Variants in ZNF525 observed in about 807,000 individuals in gnomAD.
The protein encoded by ZNF525 is zinc finger protein 525.
In ZNF525, 33 loss-of-function variants were observed where a neutral mutation model predicts 37.6. The observed-to-expected ratio is 0.88, with a 90% CI of 0.67 to 1.17. The LOEUF (loss-of-function observed/expected upper bound fraction) is 1.17. Among genes scored for constraint, ZNF525 ranks in the 50% most tolerant of loss-of-function variants. The pLI is 0.00. For missense variants in ZNF525, 449 were observed against 543.1 expected (o/e 0.83, Z 1.72); for synonymous variants, 170 against 182.3 (o/e 0.93, Z 0.54).
intron 1 of ZNF525, 123 bp downstream of exon 1, chr19:53,365,882 T>C (rs1039166859): frequency 6.6e-6 from 1 of 152,578 alleles, no homozygotes; most frequent in Non-Finnish European, 1.5e-5. Context: ...CCAGAGCAAA[T>C]TGAGACGTCC....
At chr19:53,373,195 C>T (rs1407797720) in intron 2 of ZNF525, among the ~76,000 whole-genome samples, 3 of 152,160 alleles carry the variant, frequency 2.0e-5, no homozygotes, top group Non-Finnish European at 4.4e-5. Flanking sequence ...CAGGTTCAAG[C>T]GATTCTCCTG....
At position 53,384,062 on chromosome 19, in the gene ZNF525, T is replaced by A. The variant is rs2085587942; in HGVS notation, c.*2043T>A. The A allele has an allele frequency of 3.8e-6, 2 of 521,240 alleles. No homozygotes were observed. Among genetic ancestry groups the A allele is most frequent in the African/African-American group, 3.9e-5 (2 of 51,500 alleles). 32.3% of individuals were successfully genotyped at this position (521,240 alleles called of 1,614,324 possible). On this transcript the variant is annotated 3_prime_UTR_variant, in exon 4 of 4. Coordinates refer to ENST00000474037, the MANE Select transcript of ZNF525 (RefSeq NM_001348156.2). ...TCAGAAAATTCATTTTTCAGGTAAT[T>A]GTTCCCAATGCAATGAATATAGCAA...
intron 3 of ZNF525, among the ~76,000 whole-genome samples, chr19:53,376,797 T>A (rs1409427244): frequency 1.3e-5 from 2 of 152,010 alleles, no homozygotes; most frequent in Non-Finnish European, 2.9e-5. Context: ...GTGGTGAAAC[T>A]CCGTCTCTAC....
rs116562797 is a variant in ZNF525, at chr19:53,372,879, A to G, written c.15+583A>G. ...TATTTTAAGAATATGAAATCAACCT[A>G]AATAATAGCAGGAGATTCATTAATC... On this transcript the variant is annotated intron_variant, in intron 2 of 3. Transcript: ENST00000474037. 9.3e-3 allele frequency among the ~76,000 whole-genome samples: 1,414 copies of G among 152,258 alleles called. 21 individuals are homozygous for G. Among genetic ancestry groups the G allele is most frequent in the African/African-American group, 0.032 (1,333 of 41,530 alleles).
intron 3 of ZNF525, among the ~76,000 whole-genome samples, chr19:53,378,143 T>C (rs949363908): frequency 6.6e-6 from 1 of 152,072 alleles, no homozygotes; most frequent in Non-Finnish European, 1.5e-5. Context: ...GCCAACATGG[T>C]GAAACCTCGA....
intron 1 of ZNF525, among the ~76,000 whole-genome samples, chr19:53,369,239 G>A (rs1448067980): frequency 4.0e-5 from 6 of 151,006 alleles, no homozygotes; most frequent in Admixed American, 2.0e-4. Flanking sequence ...GATTGTCTAT[G>A]TACAAGTTCT....
chr19:53,368,283 G>A (rs1411584554), intron 1 of ZNF525, among the ~76,000 whole-genome samples: 1 of 152,142 alleles, frequency 6.6e-6, no homozygotes, highest in Non-Finnish European at 1.5e-5. Flanking sequence ...ACGGGAGAAT[G>A]AGTTTGGATG....
intron 1 of ZNF525, among the ~76,000 whole-genome samples, chr19:53,371,041 C>T (rs1328082128): frequency 1.3e-5 from 2 of 152,180 alleles, no homozygotes; most frequent in East Asian, 3.9e-4. Flanking sequence ...TAACCTATGT[C>T]CCTAAATGAT....
At chr19:53,367,945 C>G (rs535624606) in intron 1 of ZNF525, among the ~76,000 whole-genome samples, 1 of 152,194 alleles carries the variant, frequency 6.6e-6, no homozygotes, top group South Asian at 2.1e-4. Flanking sequence ...TATCTCGTGC[C>G]CAGGTAGCTG....
In ZNF525 at chr19:53,367,803, T is replaced by A. The variant is rs537950959; in HGVS notation, c.-68+2044T>A. Among the ~76,000 whole-genome samples, 56 of 152,134 alleles carry A rather than the reference T, an allele frequency of 3.7e-4. 1 individual carries two copies. Among genetic ancestry groups the A allele is most frequent in the African/African-American group, 1.3e-3 (53 of 41,568 alleles). On this transcript the variant is annotated intron_variant, in intron 1 of 3. Coordinates refer to ENST00000474037, the MANE Select transcript of ZNF525 (RefSeq NM_001348156.2). ...AGGCTAGGAGGTAGTCTAAAGCTAA[T>A]CTATTTTGGTAGATGGCATTTCTCA...
chr19:53,386,419 A>G lies in ZNF525; in HGVS notation c.*4400A>G, dbSNP rs558223588. On this transcript the variant is annotated 3_prime_UTR_variant, in exon 4 of 4. Transcript: ENST00000474037. Reference sequence around the variant, plus strand: ...TGCATGTGAGATGGCACACATATTTATGCTGTCTGAGCATCACAATCACGT... The same window carrying G: ...TGCATGTGAGATGGCACACATATTTGTGCTGTCTGAGCATCACAATCACGT... 6 of 799,664 alleles carry G rather than the reference A, an allele frequency of 7.5e-6. No individual in the cohort carries two copies. The Admixed American group carries it at 1.0e-4, about 14-fold the overall frequency. 49.5% of individuals were successfully genotyped at this position (799,664 alleles called of 1,614,324 possible).
chr19:53,376,868 G>A (rs1323345862), intron 3 of ZNF525, among the ~76,000 whole-genome samples: 3 of 152,294 alleles, frequency 2.0e-5, no homozygotes, highest in Non-Finnish European at 4.4e-5. Context: ...TACTCAAGAG[G>A]CTAATGCAGG....
chr19:53,384,025 C>T lies in ZNF525; in HGVS notation c.*2006C>T. On this transcript the variant is annotated 3_prime_UTR_variant, in exon 4 of 4. Coordinates refer to ENST00000474037, the MANE Select transcript of ZNF525 (RefSeq NM_001348156.2). ...GCAAGGTCTTCAGTCCGACTTCACT[C>T]CTTGCAGAATATCAGAAAATTCATT... 18 of 628,884 alleles carry T rather than the reference C, an allele frequency of 2.9e-5. No individual in the cohort carries two copies. Among genetic ancestry groups the T allele is most frequent in the South Asian group, 2.5e-4 (17 of 69,060 alleles). The allele number at this position is 628,884 out of a possible 1,614,324, so 39.0% of individuals were successfully genotyped here.
chr19:53,373,338 C>T (rs1270525313), intron 2 of ZNF525, among the ~76,000 whole-genome samples: 4 of 152,136 alleles, frequency 2.6e-5, no homozygotes, highest in African/African-American at 7.2e-5. Context: ...AGGTGATCTG[C>T]CTGCCTCAGC....
At chr19:53,366,038 C>A (rs1443753945) in intron 1 of ZNF525, among the ~76,000 whole-genome samples, 1 of 152,206 alleles carries the variant, frequency 6.6e-6, no homozygotes, top group Non-Finnish European at 1.5e-5. Context: ...TCCTCCCGCC[C>A]CGCGCTTTTT....
chr19:53,386,393 T>C lies in ZNF525; in HGVS notation c.*4374T>C. 1 of 870,226 alleles carries C rather than the reference T, an allele frequency of 1.1e-6. No homozygotes were observed. Among genetic ancestry groups the C allele is most frequent in the South Asian group, 1.3e-5 (1 of 76,922 alleles). 53.9% of individuals were successfully genotyped at this position (870,226 alleles called of 1,614,324 possible). A position where few individuals can be genotyped will look rare whatever the true frequency, so the allele number is the denominator to read the frequency against. On this transcript the variant is annotated 3_prime_UTR_variant, in exon 4 of 4. Transcript: ENST00000474037. ...AGAACCAAGCTGGGTCTATAAGGAA[T>C]TGCATGTGAGATGGCACACATATTT...
At chr19:53,366,800 G>A (rs867018074) in intron 1 of ZNF525, among the ~76,000 whole-genome samples, 12 of 149,022 alleles carry the variant, frequency 8.1e-5, no homozygotes, top group East Asian at 2.0e-4. Flanking sequence ...GTGGGGACAG[G>A]GGGTATAACA....
At position 53,370,081 on chromosome 19, in the gene ZNF525, G is replaced by T. The variant is rs1420032583; in HGVS notation, c.-67-2134G>T. Among the ~76,000 whole-genome samples the T allele has an allele frequency of 2.0e-5, 3 of 151,342 alleles. No individual in the cohort carries two copies. In the South Asian group the frequency reaches 6.3e-4, roughly 32 times the overall value. On this transcript the variant is annotated intron_variant, in intron 1 of 3. Coordinates refer to ENST00000474037, the MANE Select transcript of ZNF525 (RefSeq NM_001348156.2). ...TACCTCTCTAATTTTCAAGGATAGGGGTGATAAAGACCAACACTTCCATTA... is the reference window on the plus strand; with the variant it reads ...TACCTCTCTAATTTTCAAGGATAGGTGTGATAAAGACCAACACTTCCATTA...
At position 53,386,087 on chromosome 19, in the gene ZNF525, T is replaced by G. The variant is rs183890286; in HGVS notation, c.*4068T>G. The stretch of plus-strand genomic sequence containing the variant: ...AGGGGAATCTCTTGAACCCAGGAGG[T>G]GGAGGATGCAGTGAACTGAGATGGC... On this transcript the variant is annotated 3_prime_UTR_variant, in exon 4 of 4. Transcript: ENST00000474037. 69 of 342,050 alleles carry G rather than the reference T, an allele frequency of 2.0e-4. 2 individuals carry two copies. The East Asian group carries it at 4.7e-3, about 23-fold the overall frequency. The allele number at this position is 342,050 out of a possible 1,614,324, so 21.2% of individuals were successfully genotyped here.
Sources: gnomAD v4.1 joint callset for allele counts (sites outside exome capture counted in the v4.1 genomes callset) on GRCh38, gnomAD v4.1.1 for gene constraint, MANE v1.5 for transcripts, NCBI Gene and HGNC (gene_info 2026-07-23, HGNC 2026-07-21) for gene names.